ZYG11B: variants seen among roughly 807,000 people sequenced by gnomAD.
ZYG11B encodes the protein protein zyg-11 homolog B.
ZYG11B carries 36 observed loss-of-function variants against 82.4 expected under a neutral mutation model. That is an observed-to-expected ratio of 0.44 (90% CI 0.33 to 0.58). The LOEUF is 0.58. Among genes scored for constraint, ZYG11B ranks in the 20% least tolerant of loss-of-function variants. ZYG11B has a pLI of 0.02. For missense variants in ZYG11B, 552 were observed against 895.6 expected (o/e 0.62, Z 4.90); for synonymous variants, 303 against 312.8 (o/e 0.97, Z 0.33).
intron 5 of ZYG11B, among the ~76,000 whole-genome samples, chr1:52,786,208 G>A (rs530576360): frequency 5.9e-5 from 9 of 152,254 alleles, no homozygotes; most frequent in African/African-American, 1.9e-4. Flanking sequence ...AAGTTGATCA[G>A]GGAAAAATGA....
chr1:52,805,843 A>C (rs1645137735), intron 10 of ZYG11B, among the ~76,000 whole-genome samples: 1 of 152,028 alleles, frequency 6.6e-6, no homozygotes, highest in Admixed American at 6.6e-5. Context: ...AAACAAAAAC[A>C]AAACAAAACA....
In ZYG11B at chr1:52,771,552, T is replaced by C. The variant is rs139448642; in HGVS notation, c.729T>C (p.Asp243=). Residue 243 remains aspartate (D), a synonymous_variant, in exon 3 of 14, where the codon GAT becomes GAC. Transcript: ENST00000294353. The surrounding 1 kb of genome is among the most constrained non-coding windows in gnomAD (Gnocchi z 5.4). Reference sequence around the variant, plus strand: ...AACTCAAACATCTGAATCATCTTGATATCTCAGATGATAAACAGTTTACAT... The same window carrying C: ...AACTCAAACATCTGAATCATCTTGACATCTCAGATGATAAACAGTTTACAT... ...VRELKHLNHL[D]ISDDKQFTSD... 1.5e-4 allele frequency: 250 copies of C among 1,614,002 alleles called. No homozygotes were observed. The highest frequency in any genetic ancestry group is 1.9e-4 in the Non-Finnish European group (223 of 1,179,952).
chr1:52,741,315 A>AAAAAAAAAAAAG (rs1553257617), intron 1 of ZYG11B, among the ~76,000 whole-genome samples: 1 of 142,596 alleles, frequency 7.0e-6, no homozygotes, highest in African/African-American at 2.9e-5. Flanking sequence ...AAAAAAAAAA[A>AAAAAAAAAAAAG]AAAAGAAAAG....
intron 3 of ZYG11B, among the ~76,000 whole-genome samples, chr1:52,777,477 C>T (rs1644819833): frequency 6.6e-6 from 1 of 152,098 alleles, no homozygotes; most frequent in Non-Finnish European, 1.5e-5. Context: ...TAGAGTCTCA[C>T]TCTGTTGCGC....
intron 3 of ZYG11B, among the ~76,000 whole-genome samples, chr1:52,778,752 A>G (rs1284825279): frequency 1.3e-5 from 2 of 152,176 alleles, no homozygotes; most frequent in Non-Finnish European, 2.9e-5. Context: ...TGGCACCTGA[A>G]CTACATTTTA....
At chr1:52,800,385 A>T (rs370648545) in intron 8 of ZYG11B, among the ~76,000 whole-genome samples, 1 of 152,046 alleles carries the variant, frequency 6.6e-6, no homozygotes, top group Non-Finnish European at 1.5e-5. Context: ...TGTTTATTTT[A>T]CTGTTTTCAG....
At chr1:52,780,906 G>C (rs1298672056) in intron 4 of ZYG11B, among the ~76,000 whole-genome samples, 1 of 152,198 alleles carries the variant, frequency 6.6e-6, no homozygotes, top group Non-Finnish European at 1.5e-5. Flanking sequence ...ACTTTGGGAG[G>C]CTGAGGCAGG....
At chr1:52,818,670 A>C (rs528453791) in intron 13 of ZYG11B, among the ~76,000 whole-genome samples, 36 of 152,230 alleles carry the variant, frequency 2.4e-4, no homozygotes, top group African/African-American at 8.4e-4. Context: ...CTATGAATTA[A>C]ATTTCTTCTA....
In ZYG11B at chr1:52,816,580, A is replaced by C. The variant is rs1437395258; in HGVS notation, c.1995A>C (p.Gly665=). The change falls in exon 13 of 14, where the codon GGA becomes GGC. Residue 665 remains glycine (G), a synonymous_variant. Transcript: ENST00000294353. The part of the protein sequence containing the change: ...FPLLGCFTTP[G]VQLWAVWAMQ... ...TACTTGGCTGTTTCACAACACCAGG[A>C]GTTCAGCTATGGGCAGTTTGGGCCA... is the stretch of plus-strand genomic sequence containing the variant. 1 of 1,613,312 alleles carries C rather than the reference A, an allele frequency of 6.2e-7. No homozygotes were observed. The highest frequency in any genetic ancestry group is 8.5e-7 in the Non-Finnish European group (1 of 1,179,890).
rs570222302 is a variant in ZYG11B, at chr1:52,746,897, G to A, written c.31-9561G>A. ...TGGAGTTTTTTTTTTTTTTTGGCGG[G>A]TAAGGTCTTTACTCCCCCCTCCATC... On this transcript the variant is annotated intron_variant, in intron 1 of 13. Coordinates refer to ENST00000294353, the MANE Select transcript of ZYG11B (RefSeq NM_024646.3). Among the ~76,000 whole-genome samples the A allele has an allele frequency of 5.7e-3, 847 of 148,552 alleles. 4 individuals carry two copies. Among genetic ancestry groups the A allele is most frequent in the Non-Finnish European group, 9.2e-3 (618 of 67,270 alleles).
At chr1:52,756,335 A>G in intron 1 of ZYG11B, 123 bp from the exon 2 acceptor site, 2 of 855,894 alleles carry the variant, frequency 2.3e-6, no homozygotes, top group South Asian at 1.8e-5. Context: ...CACAGTGTCT[A>G]GCATATGATA....
At chr1:52,802,888 C>T (rs1484801559) in intron 10 of ZYG11B, among the ~76,000 whole-genome samples, 1 of 151,112 alleles carries the variant, frequency 6.6e-6, no homozygotes, top group African/African-American at 2.4e-5. Context: ...GGTGCGGTGG[C>T]ACGCGCCTGT....
chr1:52,775,800 A>T (rs1644799449), intron 3 of ZYG11B, among the ~76,000 whole-genome samples: 1 of 151,832 alleles, frequency 6.6e-6, no homozygotes, highest in South Asian at 2.1e-4. Context: ...TTAGTCGGCC[A>T]GGCGTGGTGG....
intron 10 of ZYG11B, among the ~76,000 whole-genome samples, chr1:52,803,123 C>CGT (rs1645097017): frequency 1.9e-5 from 1 of 53,652 alleles, no homozygotes; most frequent in African/African-American, 1.5e-4. Context: ...TATATACACA[C>CGT]ATATATATAT....
chr1:52,771,875 T>C lies in ZYG11B; in HGVS notation c.951+101T>C. ...GTCTGTAATATATGGAACATGTTCA[T>C]GAAACAGGGCTGCATATAGTTGAAA... On this transcript the variant is annotated intron_variant, in intron 3 of 13. Transcript: ENST00000294353. The surrounding 1 kb of genome is among the most constrained non-coding windows in gnomAD (Gnocchi z 5.4). The C allele has an allele frequency of 7.3e-7, 1 of 1,373,116 alleles. No individual in the cohort carries two copies. The highest frequency in any genetic ancestry group is 9.9e-7 in the Non-Finnish European group (1 of 1,008,788). 85.1% of individuals were successfully genotyped at this position (1,373,116 alleles called of 1,614,324 possible). A position where few individuals can be genotyped will look rare whatever the true frequency, so the allele number is the denominator to read the frequency against.
intron 8 of ZYG11B, among the ~76,000 whole-genome samples, chr1:52,799,174 G>A (rs773068211): frequency 3.3e-5 from 5 of 151,836 alleles, no homozygotes; most frequent in African/African-American, 4.8e-5. Flanking sequence ...AATCTAAAAA[G>A]TATAATAATA....
chr1:52,770,092 A>AT (rs33953020), intron 2 of ZYG11B, among the ~76,000 whole-genome samples: 4,270 of 94,370 alleles, frequency 0.045, 174 homozygotes, highest in East Asian at 0.14. Flanking sequence ...ATATATATAT[A>AT]TTTTTTTTTT....
intron 8 of ZYG11B, 54 bp from the exon 9 acceptor site, chr1:52,801,765 A>T: frequency 6.9e-7 from 1 of 1,443,526 alleles, no homozygotes; most frequent in Non-Finnish European, 9.4e-7. Flanking sequence ...AATCACCACA[A>T]ATTGTAATAA....
intron 1 of ZYG11B, among the ~76,000 whole-genome samples, chr1:52,750,703 T>C (rs977136232): frequency 3.9e-5 from 6 of 152,174 alleles, no homozygotes; most frequent in African/African-American, 1.4e-4. Flanking sequence ...ACAATCAATT[T>C]TAGAACATTT....
Sources: allele counts gnomAD v4.1 joint callset (sites outside exome capture counted in the v4.1 genomes callset), GRCh38; gene constraint gnomAD v4.1.1; non-coding constraint Gnocchi (gnomAD v3.1); transcripts MANE v1.5; gene names NCBI Gene and HGNC (gene_info 2026-07-23, HGNC 2026-07-21).